The following CADPS2 variants were observed in gnomAD, a reference collection of about 807,000 sequenced individuals.
CADPS2 encodes the protein calcium dependent secretion activator 2, also known as calcium-dependent secretion activator 2.
Under a neutral mutation model 172.5 loss-of-function variants are expected in CADPS2, and 93 were observed. The observed-to-expected ratio is 0.54, with a 90% CI of 0.46 to 0.64. CADPS2 has a LOEUF of 0.64. Among genes scored for constraint, CADPS2 ranks in the 30% least tolerant of loss-of-function variants. CADPS2 has a pLI of 0.00. For synonymous variants in CADPS2, 546 were observed against 555.2 expected (o/e 0.98, Z 0.23); for missense variants, 1,420 against 1,565.9 (o/e 0.91, Z 1.57).
intron 9 of CADPS2, among the ~76,000 whole-genome samples, chr7:122,508,490 C>G (rs1477216119): frequency 1.4e-5 from 1 of 71,840 alleles, no homozygotes; most frequent in African/African-American, 5.3e-5. Context: ...CTGGAGACAG[C>G]GTTTTGCTCT....
intron 1 of CADPS2, among the ~76,000 whole-genome samples, chr7:122,795,782 C>A (rs1796247251): frequency 6.6e-6 from 1 of 152,124 alleles, no homozygotes; most frequent in Admixed American, 6.5e-5. Flanking sequence ...TGGAAGCATT[C>A]CCCTTGAAAA....
intron 1 of CADPS2, among the ~76,000 whole-genome samples, chr7:122,763,523 T>A (rs1173406203): frequency 1.3e-5 from 2 of 152,188 alleles, no homozygotes; most frequent in Admixed American, 1.3e-4. Flanking sequence ...CTGTCAGTAA[T>A]GCCATCATAT....
intron 8 of CADPS2, among the ~76,000 whole-genome samples, chr7:122,517,962 C>A (rs771982405): frequency 6.6e-6 from 1 of 151,762 alleles, no homozygotes; most frequent in Non-Finnish European, 1.5e-5. Context: ...AATTACTATT[C>A]TTTGTTGTTG....
At chr7:122,444,782 G>A (rs192989817) in intron 15 of CADPS2, among the ~76,000 whole-genome samples, 2 of 152,196 alleles carry the variant, frequency 1.3e-5, no homozygotes, top group African/African-American at 2.4e-5. Context: ...TTGGAAGATC[G>A]AAAGTTCTCA....
At chr7:122,799,327 C>T (rs1202433490) in intron 1 of CADPS2, among the ~76,000 whole-genome samples, 2 of 152,116 alleles carry the variant, frequency 1.3e-5, no homozygotes, top group Non-Finnish European at 2.9e-5. Flanking sequence ...GGGCTGGGCG[C>T]GGTGGCTCAC....
At chr7:122,536,255 G>A (rs1022289580) in intron 8 of CADPS2, among the ~76,000 whole-genome samples, 8 of 152,028 alleles carry the variant, frequency 5.3e-5, no homozygotes, top group South Asian at 2.1e-4. Context: ...TATTTATTAG[G>A]GACCTGTTAA....
At chr7:122,489,923 A>C (rs1359552071) in intron 11 of CADPS2, 158 bp downstream of exon 11, 1 of 209,012 alleles carries the variant, frequency 4.8e-6, no homozygotes, top group Non-Finnish European at 8.3e-6. Flanking sequence ...TTATGTGAAA[A>C]ATTAGATAAG....
chr7:122,509,598 A>G (rs1305911493), intron 9 of CADPS2, among the ~76,000 whole-genome samples: 1 of 152,188 alleles, frequency 6.6e-6, no homozygotes, highest in Non-Finnish European at 1.5e-5. Context: ...TGAATGATCC[A>G]TAGTGATTAA....
chr7:122,645,273 A>ATATTTAGCG, intron 3 of CADPS2, among the ~76,000 whole-genome samples: 1 of 141,602 alleles, frequency 7.1e-6, no homozygotes, highest in South Asian at 2.1e-4. Context: ...ACATGTACAT[A>ATATTTAGCG]TATACACACA....
chr7:122,403,232 T>C (rs186173096), intron 20 of CADPS2, among the ~76,000 whole-genome samples: 3 of 152,336 alleles, frequency 2.0e-5, no homozygotes, highest in Admixed American at 1.3e-4. Context: ...GATGGAAACT[T>C]GTGAGTTTGG....
chr7:122,623,379 G>C (rs933589135), intron 4 of CADPS2, among the ~76,000 whole-genome samples: 1 of 152,170 alleles, frequency 6.6e-6, no homozygotes, highest in Non-Finnish European at 1.5e-5. Context: ...ATCCAAAACT[G>C]AGAAATAAGG....
intron 20 of CADPS2, among the ~76,000 whole-genome samples, chr7:122,401,109 T>A (rs913045912): frequency 1.3e-5 from 2 of 152,262 alleles, no homozygotes; most frequent in Non-Finnish European, 2.9e-5. Context: ...AGCCTTTTTA[T>A]CCTCATGAGA....
At chr7:122,548,267 C>T (rs551338586) in intron 8 of CADPS2, among the ~76,000 whole-genome samples, 2 of 151,950 alleles carry the variant, frequency 1.3e-5, no homozygotes, top group East Asian at 1.9e-4. Flanking sequence ...CAGCTACTCA[C>T]GAGGCTGAGA....
chr7:122,528,110 AGTGGTGGTGGTGGTG>A (rs71159802), intron 8 of CADPS2, among the ~76,000 whole-genome samples: 15,615 of 130,032 alleles, frequency 0.12, 1,086 homozygotes, highest in African/African-American at 0.21. Context: ...TGAAGGCATT[AGTGGTGGTGGTGGTG>A]GTGGTGGTGG....
intron 7 of CADPS2, among the ~76,000 whole-genome samples, chr7:122,571,858 A>T (rs940469726): frequency 6.6e-6 from 1 of 152,168 alleles, no homozygotes; most frequent in Non-Finnish European, 1.5e-5. Flanking sequence ...TTATCATGGA[A>T]CTTCTAAAAA....
rs868286789 is a variant in CADPS2 at position 122,679,270 on chromosome 7, G to C, written c.454-15701C>G. Reference sequence around the variant, plus strand: ...CTGGGAAAAGAATGCATTCCTGGGGGGGGGGGGCTCTAAAATGGCCACCCT... The same window carrying C: ...CTGGGAAAAGAATGCATTCCTGGGGCGGGGGGGCTCTAAAATGGCCACCCT... On this transcript the variant is annotated intron_variant, in intron 2 of 29. Transcript: ENST00000449022. 1.5e-4 allele frequency among the ~76,000 whole-genome samples: 18 copies of C among 117,986 alleles called. 2 individuals are homozygous for C. The highest frequency in any genetic ancestry group is 5.3e-4 in the African/African-American group (18 of 34,168). The allele number at this position is 117,986 out of a possible 152,430, so 77.4% of individuals were successfully genotyped here. A position where few individuals can be genotyped will look rare whatever the true frequency, so the allele number is the denominator to read the frequency against.
chr7:122,736,180 T>G (rs555168190), intron 2 of CADPS2, among the ~76,000 whole-genome samples: 11 of 152,332 alleles, frequency 7.2e-5, no homozygotes, highest in African/African-American at 2.4e-4. Flanking sequence ...TCCAATTACT[T>G]AATATTTTTA....
chr7:122,564,691 A>G (rs11974506), intron 7 of CADPS2, among the ~76,000 whole-genome samples: 2,303 of 152,252 alleles, frequency 0.015, 58 homozygotes, highest in African/African-American at 0.052. Context: ...AGAAATCAGT[A>G]TATCAAAAAG....
chr7:122,567,338 C>T (rs1051527779), intron 7 of CADPS2, among the ~76,000 whole-genome samples: 11 of 152,080 alleles, frequency 7.2e-5, no homozygotes, highest in African/African-American at 2.4e-4. Flanking sequence ...AGATACTCAG[C>T]TTTTAATTTA....
Sources: allele counts gnomAD v4.1 joint callset (sites outside exome capture counted in the v4.1 genomes callset), GRCh38; gene constraint gnomAD v4.1.1; transcripts MANE v1.5; gene names NCBI Gene and HGNC (gene_info 2026-07-23, HGNC 2026-07-21).